The following CD302 variants were observed in gnomAD, a reference collection of about 807,000 sequenced individuals.
CD302 encodes the protein CD302 molecule, also known as CD302 antigen.
In CD302, 23 loss-of-function variants were observed where a neutral mutation model predicts 26.5. The observed-to-expected ratio is 0.87, with a 90% CI of 0.62 to 1.23. The LOEUF (loss-of-function observed/expected upper bound fraction) is 1.23, where lower values mean the gene tolerates loss of function less well. CD302 is among the 50% of genes most tolerant of loss of function. The pLI is 0.00. For synonymous variants in CD302, 90 were observed against 99.4 expected (o/e 0.91, Z 0.56); for missense variants, 290 against 275.5 (o/e 1.05, Z -0.37).
chr2:159,784,449 G>A (rs918839173), intron 1 of CD302, among the ~76,000 whole-genome samples: 2 of 146,224 alleles, frequency 1.4e-5, no homozygotes, highest in African/African-American at 5.1e-5. Context: ...TCTGCCTCCT[G>A]GGCTCAAGGG....
intron 4 of CD302, among the ~76,000 whole-genome samples, chr2:159,778,649 T>C (rs999579595): frequency 2.6e-5 from 4 of 152,118 alleles, no homozygotes; most frequent in Non-Finnish European, 2.9e-5. Flanking sequence ...GGGGAAATGG[T>C]TGTTTATATC....
At chr2:159,787,978 G>C (rs565636421) in intron 1 of CD302, among the ~76,000 whole-genome samples, 3 of 152,204 alleles carry the variant, frequency 2.0e-5, no homozygotes, top group African/African-American at 4.8e-5. Context: ...GTGGTGGCGG[G>C]TGCCTGTAAT....
chr2:159,793,764 C>A (rs1708870244), intron 1 of CD302, among the ~76,000 whole-genome samples: 1 of 152,142 alleles, frequency 6.6e-6, no homozygotes, highest in African/African-American at 2.4e-5. Flanking sequence ...TTGAGGCACT[C>A]TGACACCTCA....
chr2:159,785,460 A>G lies in CD302; in HGVS notation c.68-1991T>C, dbSNP rs573623167. The stretch of plus-strand genomic sequence containing the variant: ...GGGAAAATGTTCATTATGAAACATT[A>G]AAACAATCTGGCTATAAAATTACAT... On this transcript the variant is annotated intron_variant, in intron 1 of 5. Transcript: ENST00000259053. Among the ~76,000 whole-genome samples the G allele has an allele frequency of 7.2e-5, 11 of 152,336 alleles. No individual in the cohort carries two copies. In the South Asian group the frequency reaches 8.3e-4, roughly 11 times the overall value.
intron 4 of CD302, 62 bp downstream of exon 4, chr2:159,779,943 T>TA: frequency 6.5e-7 from 1 of 1,540,912 alleles, no homozygotes; most frequent in Non-Finnish European, 8.7e-7. Flanking sequence ...AAAATTATTT[T>TA]AAAACCAGTC....
intron 5 of CD302, among the ~76,000 whole-genome samples, chr2:159,774,845 T>C (rs1180565536): frequency 1.3e-5 from 2 of 151,982 alleles, no homozygotes. Flanking sequence ...GGGAACTCCC[T>C]GTTTGCCAAG....
At chr2:159,788,445 T>C (rs1322567839) in intron 1 of CD302, among the ~76,000 whole-genome samples, 1 of 152,246 alleles carries the variant, frequency 6.6e-6, no homozygotes, top group Non-Finnish European at 1.5e-5. Flanking sequence ...AGGTGTGTAG[T>C]AGGCATACCA....
intron 5 of CD302, among the ~76,000 whole-genome samples, chr2:159,774,162 T>C (rs1395155669): frequency 5.3e-5 from 8 of 152,040 alleles, no homozygotes; most frequent in Non-Finnish European, 1.0e-4. Context: ...AGACGACTGC[T>C]TCCTAGTCAT....
intron 4 of CD302, among the ~76,000 whole-genome samples, chr2:159,779,054 A>C (rs537954386): frequency 6.6e-6 from 1 of 151,800 alleles, no homozygotes; most frequent in East Asian, 1.9e-4. Flanking sequence ...ATATGGTGAA[A>C]CCCCATCTCT....
intron 1 of CD302, 150 bp downstream of exon 1, chr2:159,797,982 G>C (rs2125820923): frequency 1.4e-6 from 1 of 693,436 alleles, no homozygotes; most frequent in Admixed American, 3.5e-5. Flanking sequence ...CAGGACCCAC[G>C]GGGGACGGGC....
chr2:159,789,900 G>A (rs1258277337), intron 1 of CD302, among the ~76,000 whole-genome samples: 3 of 152,112 alleles, frequency 2.0e-5, no homozygotes, highest in South Asian at 4.1e-4. Flanking sequence ...ACAGACTGTT[G>A]GGCTCACCTC....
At chr2:159,777,581 T>C (rs1433054195) in intron 5 of CD302, among the ~76,000 whole-genome samples, 1 of 152,240 alleles carries the variant, frequency 6.6e-6, no homozygotes, top group Non-Finnish European at 1.5e-5. Context: ...TAGGCAGTTC[T>C]ATTCAAATTA....
chr2:159,790,395 A>G (rs895189648), intron 1 of CD302, among the ~76,000 whole-genome samples: 4 of 152,202 alleles, frequency 2.6e-5, no homozygotes, highest in African/African-American at 9.6e-5. Context: ...AAATCCAGGC[A>G]GAGGGCATAT....
intron 5 of CD302, among the ~76,000 whole-genome samples, chr2:159,774,449 A>C (rs1383366793): frequency 6.6e-6 from 1 of 152,188 alleles, no homozygotes; most frequent in Non-Finnish European, 1.5e-5. Flanking sequence ...GGCCCGAACT[A>C]TACATAATCC....
At chr2:159,795,113 C>T (rs996322972) in intron 1 of CD302, among the ~76,000 whole-genome samples, 5 of 151,478 alleles carry the variant, frequency 3.3e-5, no homozygotes, top group Non-Finnish European at 7.4e-5. Context: ...ATCCCAGCTA[C>T]TCGGGAGGCT....
chr2:159,783,895 CAG>C (rs1385091907), intron 1 of CD302, among the ~76,000 whole-genome samples: 4 of 152,104 alleles, frequency 2.6e-5, no homozygotes, highest in Non-Finnish European at 5.9e-5. Flanking sequence ...CCTCCAAGAA[CAG>C]AGAAAAGAAA....
intron 1 of CD302, among the ~76,000 whole-genome samples, chr2:159,787,917 C>T (rs780853036): frequency 2.0e-5 from 3 of 152,092 alleles, no homozygotes; most frequent in Non-Finnish European, 4.4e-5. Context: ...CCAGCCTGGC[C>T]AACATGGTGA....
intron 5 of CD302, among the ~76,000 whole-genome samples, chr2:159,772,605 A>T (rs1252831356): frequency 6.6e-6 from 1 of 152,194 alleles, no homozygotes; most frequent in Non-Finnish European, 1.5e-5. Flanking sequence ...AAACCCTTGT[A>T]ATCTTTCTAT....
At chr2:159,772,882 A>G (rs11681245) in intron 5 of CD302, among the ~76,000 whole-genome samples, 52,284 of 151,934 alleles carry the variant, frequency 0.34, 9,206 homozygotes, top group South Asian at 0.44. Context: ...AGCCATTGAT[A>G]CTTTTCAAAT....
Sources: allele counts gnomAD v4.1 joint callset (sites outside exome capture counted in the v4.1 genomes callset), GRCh38; gene constraint gnomAD v4.1.1; transcripts MANE v1.5; gene names NCBI Gene and HGNC (gene_info 2026-07-23, HGNC 2026-07-21).